Variants in GABRB1 observed in about 807,000 individuals in gnomAD.
The protein encoded by GABRB1 is gamma-aminobutyric acid type A receptor subunit beta1.
In GABRB1, 17 loss-of-function variants were observed where a neutral mutation model predicts 51.6. That is an observed-to-expected ratio of 0.33 (90% confidence interval 0.23 to 0.49). GABRB1 has a LOEUF of 0.49. Among genes scored for constraint, GABRB1 ranks in the 20% least tolerant of loss-of-function variants. GABRB1 has a pLI of 0.99. For missense variants in GABRB1, 410 were observed against 600.6 expected (o/e 0.68, Z 3.32); for synonymous variants, 247 against 218.9 (o/e 1.13, Z -1.14).
intron 5 of GABRB1, among the ~76,000 whole-genome samples, chr4:47,361,236 G>A (rs983953208): frequency 2.6e-5 from 4 of 152,076 alleles, no homozygotes; most frequent in African/African-American, 9.7e-5. Context: ...GTTCCTGGCC[G>A]TAACAACAAA....
chr4:47,240,889 C>T (rs766613389), intron 4 of GABRB1, among the ~76,000 whole-genome samples: 3 of 152,086 alleles, frequency 2.0e-5, no homozygotes, highest in Non-Finnish European at 4.4e-5. Flanking sequence ...TCTCCTTCAC[C>T]TTCTTCCCCA....
chr4:47,263,974 A>T (rs1722550622), intron 4 of GABRB1, among the ~76,000 whole-genome samples: 1 of 143,996 alleles, frequency 6.9e-6, no homozygotes, highest in Non-Finnish European at 1.5e-5. Context: ...CTTCTACAAA[A>T]AAAATAAAAA....
chr4:47,182,390 T>G (rs1484550435), intron 4 of GABRB1, among the ~76,000 whole-genome samples: 1 of 152,018 alleles, frequency 6.6e-6, no homozygotes, highest in Non-Finnish European at 1.5e-5. Context: ...AAAAAATATT[T>G]TATTTTTTAA....
intron 8 of GABRB1, among the ~76,000 whole-genome samples, chr4:47,421,136 A>T (rs1245947881): frequency 6.6e-6 from 1 of 151,024 alleles, no homozygotes; most frequent in Non-Finnish European, 1.5e-5. Context: ...GCTTTCATGG[A>T]TAGTTGCAGA....
chr4:47,232,619 C>T (rs1721181329), intron 4 of GABRB1, among the ~76,000 whole-genome samples: 1 of 152,122 alleles, frequency 6.6e-6, no homozygotes, highest in Non-Finnish European at 1.5e-5. Context: ...ATATAACACA[C>T]ATTCTAAGTT....
chr4:47,214,700 A>G (rs1397356377), intron 4 of GABRB1, among the ~76,000 whole-genome samples: 2 of 152,144 alleles, frequency 1.3e-5, no homozygotes, highest in African/African-American at 4.8e-5. Context: ...CTTCTCCCCA[A>G]ATTGATATCA....
chr4:47,165,576 G>T (rs543441786), intron 4 of GABRB1, among the ~76,000 whole-genome samples: 1 of 152,142 alleles, frequency 6.6e-6, no homozygotes, highest in African/African-American at 2.4e-5. Flanking sequence ...CCAAGACCCA[G>T]CCCAATTTTT....
chr4:47,260,453 A>C (rs1251653594), intron 4 of GABRB1, among the ~76,000 whole-genome samples: 1 of 152,140 alleles, frequency 6.6e-6, no homozygotes, highest in Non-Finnish European at 1.5e-5. Context: ...ATGATTTTGC[A>C]GTGGCTGGTA....
intron 4 of GABRB1, among the ~76,000 whole-genome samples, chr4:47,215,464 T>A (rs1203355278): frequency 6.6e-6 from 1 of 152,076 alleles, no homozygotes. Context: ...AACTAAGTTA[T>A]GTTATTTACT....
intron 5 of GABRB1, among the ~76,000 whole-genome samples, chr4:47,402,527 A>C (rs1375515861): frequency 6.6e-6 from 1 of 152,222 alleles, no homozygotes; most frequent in Non-Finnish European, 1.5e-5. Flanking sequence ...ACTCTTATAC[A>C]TAATGATAAC....
At chr4:47,405,508 T>C (rs1178259869) in intron 7 of GABRB1, among the ~76,000 whole-genome samples, 1 of 152,186 alleles carries the variant, frequency 6.6e-6, no homozygotes, top group Non-Finnish European at 1.5e-5. Context: ...TTTTAAATGC[T>C]ATTGTGTAAC....
chr4:47,268,617 T>C (rs941116675), intron 4 of GABRB1, among the ~76,000 whole-genome samples: 2 of 152,178 alleles, frequency 1.3e-5, no homozygotes, highest in Non-Finnish European at 2.9e-5. Flanking sequence ...AATGCATCCA[T>C]TCATTTGTAA....
At chr4:47,086,831 C>T (rs901571406) in intron 3 of GABRB1, among the ~76,000 whole-genome samples, 4 of 152,158 alleles carry the variant, frequency 2.6e-5, no homozygotes, top group Non-Finnish European at 5.9e-5. Flanking sequence ...TGTGCAGTGG[C>T]TAAGGGCTGC....
At position 47,307,628 on chromosome 4, in the gene GABRB1, A is replaced by C. The variant is rs183708993; in HGVS notation, c.462-12499A>C. On this transcript the variant is annotated intron_variant, in intron 4 of 8. Coordinates refer to ENST00000295454, the MANE Select transcript of GABRB1 (RefSeq NM_000812.4). ...TGTCAACAAAGATATTAAATTCAACAACACAAATTTATTCATCTAAGTAAC... is the reference window on the plus strand; with the variant it reads ...TGTCAACAAAGATATTAAATTCAACCACACAAATTTATTCATCTAAGTAAC... Among the ~76,000 whole-genome samples, 362 of 152,172 alleles carry C rather than the reference A, an allele frequency of 2.4e-3. 3 individuals carry two copies. Among genetic ancestry groups the C allele is most frequent in the African/African-American group, 7.5e-3 (313 of 41,586 alleles).
At chr4:47,199,514 T>C (rs1719817175) in intron 4 of GABRB1, among the ~76,000 whole-genome samples, 1 of 152,044 alleles carries the variant, frequency 6.6e-6, no homozygotes, top group Non-Finnish European at 1.5e-5. Context: ...GAGACCTACA[T>C]AGTTTTTAAG....
intron 5 of GABRB1, among the ~76,000 whole-genome samples, chr4:47,392,808 G>A (rs1728050287): frequency 6.6e-6 from 1 of 152,184 alleles, no homozygotes; most frequent in African/African-American, 2.4e-5. Context: ...TACAACAGAG[G>A]TTTTAATGAA....
At chr4:47,076,058 A>C (rs567285993) in intron 3 of GABRB1, among the ~76,000 whole-genome samples, 2 of 152,262 alleles carry the variant, frequency 1.3e-5, no homozygotes, top group African/African-American at 4.8e-5. Flanking sequence ...AACTTGCCCT[A>C]ATCTGCACTC....
At chr4:47,204,353 C>A (rs1370534961) in intron 4 of GABRB1, among the ~76,000 whole-genome samples, 1 of 152,138 alleles carries the variant, frequency 6.6e-6, no homozygotes, top group Non-Finnish European at 1.5e-5. Flanking sequence ...TTAACATATG[C>A]AGGGCCACAA....
chr4:47,017,726 C>T (rs1724791174), intron 1 of GABRB1, among the ~76,000 whole-genome samples: 1 of 152,062 alleles, frequency 6.6e-6, no homozygotes, highest in South Asian at 2.1e-4. Context: ...TGACCTAACA[C>T]CCTCACTGTG....
Sources: allele counts gnomAD v4.1 joint callset (sites outside exome capture counted in the v4.1 genomes callset), GRCh38; gene constraint gnomAD v4.1.1; transcripts MANE v1.5; gene names NCBI Gene and HGNC (gene_info 2026-07-23, HGNC 2026-07-21).